The following AK7 variants were observed in gnomAD, a reference collection of about 807,000 sequenced individuals.
AK7 encodes the protein adenylate kinase 7.
In AK7, 78 loss-of-function variants were observed where a neutral mutation model predicts 96.6. That is an observed-to-expected ratio of 0.81 (90% confidence interval 0.67 to 0.97). The LOEUF is 0.97. Ranked by LOEUF, AK7 falls within the 50% of genes least tolerant of loss-of-function variation. AK7 has a pLI of 0.00. For missense variants in AK7, 855 were observed against 887.9 expected (o/e 0.96, Z 0.47); for synonymous variants, 302 against 317.2 (o/e 0.95, Z 0.51).
chr14:96,489,093 T>C lies in AK7; in HGVS notation c.*750T>C, dbSNP rs1353026727. 1 of 152,206 alleles carries C rather than the reference T, an allele frequency of 6.6e-6. No homozygotes were observed. The highest frequency in any genetic ancestry group is 1.5e-5 in the Non-Finnish European group (1 of 68,034). The allele number at this position is 152,206 out of a possible 1,614,324, so 9.4% of individuals were successfully genotyped here. ...TCCTAGAATTACCCTAAATGAGAAATTAGTTTAGGTTTAATGGCATATGTA... is the reference window on the plus strand; with the variant it reads ...TCCTAGAATTACCCTAAATGAGAAACTAGTTTAGGTTTAATGGCATATGTA... On this transcript the variant is annotated 3_prime_UTR_variant, in exon 18 of 18. Transcript: ENST00000267584.
At chr14:96,468,588 C>T (rs60811930) in intron 12 of AK7, among the ~76,000 whole-genome samples, 21 of 152,054 alleles carry the variant, frequency 1.4e-4, no homozygotes, top group Non-Finnish European at 2.6e-4. Flanking sequence ...TGAGCCACCA[C>T]GCCCGGCCTG....
At chr14:96,427,266 T>G (rs922644903) in intron 5 of AK7, among the ~76,000 whole-genome samples, 1 of 151,998 alleles carries the variant, frequency 6.6e-6, no homozygotes, top group Non-Finnish European at 1.5e-5. Flanking sequence ...AAAAAAAAAT[T>G]GGTTTAATTG....
intron 5 of AK7, among the ~76,000 whole-genome samples, chr14:96,428,907 G>A (rs1403382164): frequency 4.6e-5 from 7 of 152,006 alleles, no homozygotes; most frequent in African/African-American, 9.7e-5. Context: ...CTTCCATTCC[G>A]TAGGTTGCCT....
intron 5 of AK7, among the ~76,000 whole-genome samples, chr14:96,424,881 G>A (rs910268209): frequency 5.9e-5 from 9 of 152,072 alleles, no homozygotes; most frequent in Non-Finnish European, 5.9e-5. Flanking sequence ...TTTACAGGTG[G>A]AAAATGTATG....
At chr14:96,458,868 C>A (rs1326474278) in intron 12 of AK7, among the ~76,000 whole-genome samples, 1 of 145,276 alleles carries the variant, frequency 6.9e-6, no homozygotes, top group Non-Finnish European at 1.5e-5. Context: ...CATGATCATG[C>A]CCTTGCACTC....
chr14:96,482,782 C>T (rs1483777804), intron 15 of AK7, among the ~76,000 whole-genome samples: 1 of 152,182 alleles, frequency 6.6e-6, no homozygotes, highest in Admixed American at 6.5e-5. Flanking sequence ...AACTCATAGA[C>T]CCAAGTCCAA....
intron 1 of AK7, among the ~76,000 whole-genome samples, chr14:96,393,354 C>T (rs1447774794): frequency 1.3e-5 from 2 of 152,224 alleles, no homozygotes; most frequent in African/African-American, 4.8e-5. Context: ...TACGTACAAT[C>T]TGTATTAGTT....
intron 9 of AK7, among the ~76,000 whole-genome samples, chr14:96,450,712 C>T: frequency 6.6e-6 from 1 of 150,928 alleles, no homozygotes; most frequent in Non-Finnish European, 1.5e-5. Context: ...TTATTGGTTT[C>T]CTTGAGGAGC....
intron 2 of AK7, among the ~76,000 whole-genome samples, chr14:96,403,778 CTT>C (rs1184851720): frequency 3.3e-5 from 5 of 152,184 alleles, no homozygotes; most frequent in Non-Finnish European, 7.3e-5. Flanking sequence ...TTATGGTTCT[CTT>C]AATGCACTCA....
intron 12 of AK7, 61 bp downstream of exon 12, chr14:96,458,273 C>T: frequency 2.5e-6 from 4 of 1,573,688 alleles, no homozygotes; most frequent in Non-Finnish European, 3.4e-6. Context: ...TTTTAAAAAT[C>T]TGGTTATAAA....
At chr14:96,410,362 CT>C (rs1890963222) in intron 4 of AK7, among the ~76,000 whole-genome samples, 1 of 152,186 alleles carries the variant, frequency 6.6e-6, no homozygotes, top group African/African-American at 2.4e-5. Flanking sequence ...ACTGTGCTAG[CT>C]TCCGGACTGA....
At chr14:96,473,507 C>T (rs1895016136) in intron 14 of AK7, among the ~76,000 whole-genome samples, 1 of 151,590 alleles carries the variant, frequency 6.6e-6, no homozygotes, top group African/African-American at 2.4e-5. Context: ...CAGGGCTACA[C>T]CATAGGCAGT....
At chr14:96,418,315 C>A (rs1200546503) in intron 4 of AK7, among the ~76,000 whole-genome samples, 2 of 13,898 alleles carry the variant, frequency 1.4e-4, no homozygotes, top group Non-Finnish European at 3.2e-4. Flanking sequence ...CAGAGTGAGA[C>A]CTTGTCTAAA....
intron 1 of AK7, among the ~76,000 whole-genome samples, chr14:96,397,066 C>T (rs1890122736): frequency 6.6e-6 from 1 of 152,130 alleles, no homozygotes; most frequent in African/African-American, 2.4e-5. Flanking sequence ...CACTGCACTC[C>T]AGCCTGAGCA....
At chr14:96,414,819 C>T (rs1279895516) in intron 4 of AK7, among the ~76,000 whole-genome samples, 1 of 136,626 alleles carries the variant, frequency 7.3e-6, no homozygotes, top group Non-Finnish European at 1.5e-5. Context: ...GCAACCTGGG[C>T]TCAGCTCACT....
rs189935380 is a variant in AK7 at position 96,394,232 on chromosome 14, T to C, written c.105+1973T>C. ...CAAAGTAGGAATAGGGTTGGCGGTT[T>C]TTGTATGCACAGTGCTAGGGGGCAG... On this transcript the variant is annotated intron_variant, in intron 1 of 17. Coordinates refer to ENST00000267584, the MANE Select transcript of AK7 (RefSeq NM_152327.5). Among the ~76,000 whole-genome samples, 33 of 152,262 alleles carry C rather than the reference T, an allele frequency of 2.2e-4. No individual in the cohort carries two copies. In the East Asian group the frequency reaches 3.9e-3, roughly 18 times the overall value.
chr14:96,478,671 T>G lies in AK7; in HGVS notation c.1753+9T>G, dbSNP rs760939077. The G allele has an allele frequency of 4.7e-5, 76 of 1,612,682 alleles. 1 individual carries two copies. Among genetic ancestry groups the G allele is most frequent in the Non-Finnish European group, 1.5e-5 (18 of 1,179,198 alleles). On this transcript the variant is annotated intron_variant, in intron 15 of 17. Transcript: ENST00000267584. ...TCACCCGATACATATTGGTATGAAATGAATTCAAGGATAATGTGAATGTCC... is the reference window on the plus strand; with the variant it reads ...TCACCCGATACATATTGGTATGAAAGGAATTCAAGGATAATGTGAATGTCC...
At chr14:96,459,511 A>G (rs1894137467) in intron 12 of AK7, among the ~76,000 whole-genome samples, 1 of 152,100 alleles carries the variant, frequency 6.6e-6, no homozygotes, top group Non-Finnish European at 1.5e-5. Flanking sequence ...TAATGTCCTT[A>G]ATATATAAAA....
chr14:96,397,698 A>G (rs2139976693), intron 1 of AK7, among the ~76,000 whole-genome samples: 1 of 152,354 alleles, frequency 6.6e-6, no homozygotes, highest in East Asian at 1.9e-4. Context: ...CCTAGGCAAC[A>G]TAGCAAGACC....
Sources: allele counts gnomAD v4.1 joint callset (sites outside exome capture counted in the v4.1 genomes callset), GRCh38; gene constraint gnomAD v4.1.1; transcripts MANE v1.5; gene names NCBI Gene and HGNC (gene_info 2026-07-23, HGNC 2026-07-21).